Variants in SOX5 observed in about 807,000 individuals in gnomAD.
SOX5 encodes transcription factor SOX-5.
SOX5 carries 9 observed loss-of-function variants against 92.0 expected under a neutral mutation model. The observed-to-expected ratio is 0.10, with a 90% CI of 0.06 to 0.17. SOX5 has a LOEUF of 0.17. SOX5 is among the 10% of genes least tolerant of loss of function. SOX5 has a pLI of 1.00. For synonymous variants in SOX5, 344 were observed against 336.3 expected (o/e 1.02, Z -0.25); for missense variants, 642 against 944.5 (o/e 0.68, Z 4.20).
chr12:23,611,831 T>TC (rs1177114851), intron 8 of SOX5, among the ~76,000 whole-genome samples: 1 of 151,416 alleles, frequency 6.6e-6, no homozygotes, highest in Non-Finnish European at 1.5e-5. Flanking sequence ...ACCCTTACTC[T>TC]CCCCCTTTTC....
chr12:23,793,213 G>A (rs2095506883), intron 3 of SOX5, among the ~76,000 whole-genome samples: 2 of 151,928 alleles, frequency 1.3e-5, no homozygotes, highest in African/African-American at 2.4e-5. Context: ...AAATATATGC[G>A]AATCATGAAT....
At chr12:23,789,387 A>C (rs1203414774) in intron 3 of SOX5, among the ~76,000 whole-genome samples, 1 of 152,050 alleles carries the variant, frequency 6.6e-6, no homozygotes, top group East Asian at 1.9e-4. Flanking sequence ...TTAACCTTTT[A>C]AGTGAGAGAA....
At chr12:23,976,439 T>TAAAAAA (rs1948925554) in intron 4 of SOX5, among the ~76,000 whole-genome samples, 1 of 104,300 alleles carries the variant, frequency 9.6e-6, no homozygotes, top group Non-Finnish European at 2.0e-5. Context: ...AGAAGGAAGG[T>TAAAAAA]AAACAGGATG....
rs370910356 is a variant in SOX5 at position 23,626,671 on chromosome 12, C to CTTTTT, written c.1017+14136_1017+14140dup. ...GGGCTCTTGGCTGCTTTCATTAGTG[C>CTTTTT]TTTTTTTTTTTTTTTTTTTATCTTA... On this transcript the variant is annotated intron_variant, in intron 8 of 14. Transcript: ENST00000451604. Among the ~76,000 whole-genome samples the CTTTTT allele has an allele frequency of 1.4e-3, 163 of 116,474 alleles. 3 individuals carry two copies. Among genetic ancestry groups the CTTTTT allele is most frequent in the East Asian group, 3.0e-3 (11 of 3,672 alleles). 76.4% of individuals were successfully genotyped at this position (116,474 alleles called of 152,430 possible).
At chr12:23,748,636 C>CA (rs995318720) in intron 4 of SOX5, among the ~76,000 whole-genome samples, 1 of 151,950 alleles carries the variant, frequency 6.6e-6, no homozygotes, top group African/African-American at 2.4e-5. Flanking sequence ...TTTCTTCCCT[C>CA]AAAAAACTTA....
At chr12:23,633,546 T>G (rs778967983) in intron 8 of SOX5, among the ~76,000 whole-genome samples, 3 of 151,854 alleles carry the variant, frequency 2.0e-5, no homozygotes, top group Admixed American at 6.6e-5. Context: ...ATCAGTATAA[T>G]AAATAAGTAA....
intron 3 of SOX5, among the ~76,000 whole-genome samples, chr12:24,261,222 C>G (rs1227851513): frequency 1.3e-5 from 2 of 152,088 alleles, no homozygotes; most frequent in African/African-American, 4.8e-5. Flanking sequence ...TCTTTTCATA[C>G]TTTCATTATT....
At chr12:23,595,847 C>T (rs145183479) in intron 9 of SOX5, among the ~76,000 whole-genome samples, 36 of 152,218 alleles carry the variant, frequency 2.4e-4, no homozygotes, top group African/African-American at 8.4e-4. Flanking sequence ...TATGAGCACA[C>T]TAAAAGCCTA....
chr12:24,209,245 C>A (rs1469264156), intron 4 of SOX5, among the ~76,000 whole-genome samples: 2 of 152,086 alleles, frequency 1.3e-5, no homozygotes, highest in Admixed American at 1.3e-4. Flanking sequence ...GAATTTCCTC[C>A]ACTGTCTGTG....
intron 3 of SOX5, among the ~76,000 whole-genome samples, chr12:23,761,395 C>A (rs1348477523): frequency 2.0e-5 from 3 of 152,084 alleles, no homozygotes; most frequent in Non-Finnish European, 4.4e-5. Context: ...ATTTTAGGTA[C>A]TAACAGGTTG....
intron 6 of SOX5, among the ~76,000 whole-genome samples, chr12:23,671,110 G>T (rs930302534): frequency 7.9e-5 from 12 of 152,102 alleles, no homozygotes; most frequent in African/African-American, 2.4e-4. Context: ...AGGAATCAAA[G>T]AACTGGAAGA....
chr12:24,491,796 C>T (rs569756316), intron 1 of SOX5, among the ~76,000 whole-genome samples: 1 of 152,238 alleles, frequency 6.6e-6, no homozygotes, highest in Non-Finnish European at 1.5e-5. Context: ...TGTTCTTCCT[C>T]ATGGCAAAGG....
chr12:24,060,235 A>C (rs111921726), intron 4 of SOX5, among the ~76,000 whole-genome samples: 49 of 152,244 alleles, frequency 3.2e-4, no homozygotes, highest in Non-Finnish European at 5.9e-4. Flanking sequence ...AGCACTATGA[A>C]GTAGATACAA....
rs996499281 is a variant in SOX5 at position 24,072,756 on chromosome 12, A to G, written c.-2+140587T>C. ...TTAAAACATTAATAAAGTGTCTCAC[A>G]TGCCTTAAAAATTAGCTATAAAAAT... On this transcript the variant is annotated intron_variant, in intron 4 of 4. Coordinates refer to the SOX5 transcript ENST00000446891. Among the ~76,000 whole-genome samples the G allele has an allele frequency of 3.3e-5, 5 of 152,270 alleles. No homozygotes were observed. The East Asian group carries it at 7.7e-4, about 23-fold the overall frequency.
At chr12:23,808,496 CAAAGT>C (rs2095820227) in intron 3 of SOX5, among the ~76,000 whole-genome samples, 2 of 151,780 alleles carry the variant, frequency 1.3e-5, no homozygotes, top group Admixed American at 1.3e-4. Flanking sequence ...TTAAAATAAC[CAAAGT>C]AAATATTCAA....
intron 8 of SOX5, among the ~76,000 whole-genome samples, chr12:23,610,565 CT>C (rs1384551586): frequency 6.6e-6 from 1 of 151,996 alleles, no homozygotes; most frequent in Non-Finnish European, 1.5e-5. Context: ...ATATAGATCT[CT>C]TGTACATATT....
chr12:24,259,101 G>A (rs1367548692), intron 3 of SOX5, among the ~76,000 whole-genome samples: 3 of 152,150 alleles, frequency 2.0e-5, no homozygotes, highest in Non-Finnish European at 4.4e-5. Flanking sequence ...TTAGGTTGGT[G>A]CAAAAGTAAT....
At chr12:24,185,056 A>G (rs1171831550) in intron 4 of SOX5, among the ~76,000 whole-genome samples, 1 of 152,140 alleles carries the variant, frequency 6.6e-6, no homozygotes, top group Admixed American at 6.6e-5. Context: ...AACAGCATTG[A>G]CAGTGCTCAC....
Position 24,146,737 on chromosome 12 carries a change from G to GA in SOX5, c.-2+66605dup, listed in dbSNP as rs71059979. Among the ~76,000 whole-genome samples the GA allele has an allele frequency of 8.7e-3, 1,043 of 119,348 alleles. 8 individuals are homozygous for GA. Among genetic ancestry groups the GA allele is most frequent in the African/African-American group, 0.018 (595 of 32,248 alleles). 78.3% of individuals were successfully genotyped at this position (119,348 alleles called of 152,430 possible). On this transcript the variant is annotated intron_variant, in intron 4 of 4. Coordinates refer to the SOX5 transcript ENST00000446891. The stretch of plus-strand genomic sequence containing the variant: ...AATCGCTAGCCAGGCTGGTCAGGAG[G>GA]AAAAAAAAAAAAAAAGGAGAGAAGA...
Sources: allele counts gnomAD v4.1 joint callset (sites outside exome capture counted in the v4.1 genomes callset), GRCh38; gene constraint gnomAD v4.1.1; transcripts MANE v1.5; gene names NCBI Gene and HGNC (gene_info 2026-07-23, HGNC 2026-07-21).